Variants in CELF2 observed in about 807,000 individuals in gnomAD.
The protein encoded by CELF2 is CUG triplet repeat RNA-binding protein 2.
Under a neutral mutation model 62.6 loss-of-function variants are expected in CELF2, and 8 were observed. That is an observed-to-expected ratio of 0.13 (90% CI 0.07 to 0.23). The LOEUF (loss-of-function observed/expected upper bound fraction) is 0.23. Ranked by LOEUF, CELF2 falls within the 10% of genes least tolerant of loss-of-function variation. The pLI is 1.00. For missense variants in CELF2, 333 were observed against 671.0 expected, an observed-to-expected ratio of 0.50 and a Z score of 5.56; for synonymous variants, 258 against 250.0, an observed-to-expected ratio of 1.03 and a Z score of -0.30.
At position 10,944,786 on chromosome 10, in the gene CELF2, A is replaced by G. The variant is rs941496318; in HGVS notation, c.89+24787A>G. ...CCAGCTATTTTTTTGTATTTTTATTAGAAATGGGGTTTCGCCACATTGGCC... is the reference window on the plus strand; with the variant it reads ...CCAGCTATTTTTTTGTATTTTTATTGGAAATGGGGTTTCGCCACATTGGCC... On this transcript the variant is annotated intron_variant, in intron 2 of 13. Transcript: ENST00000636488. 1.2e-4 allele frequency among the ~76,000 whole-genome samples: 19 copies of G among 152,074 alleles called. 1 individual carries two copies. The highest frequency in any genetic ancestry group is 4.3e-4 in the African/African-American group (18 of 41,388).
chr10:10,554,261 T>C, the CELF2 span, among the ~76,000 whole-genome samples: 4 of 152,162 alleles, frequency 2.6e-5, no homozygotes, highest in Non-Finnish European at 5.9e-5. Context: ...GATGTATGCA[T>C]AGGACATTTC....
At chr10:10,584,131 G>A in the CELF2 span, among the ~76,000 whole-genome samples, 1 of 152,136 alleles carries the variant, frequency 6.6e-6, no homozygotes, top group Non-Finnish European at 1.5e-5. Context: ...AGAAATAAGA[G>A]GTCAGGATGT....
chr10:11,129,896 A>G (rs1241696496), intron 1 of CELF2, among the ~76,000 whole-genome samples: 1 of 151,872 alleles, frequency 6.6e-6, no homozygotes, highest in Non-Finnish European at 1.5e-5. Context: ...GATCTTAGTT[A>G]TTTCTTGCTT....
chr10:10,637,745 A>G, the CELF2 span, among the ~76,000 whole-genome samples: 2 of 152,198 alleles, frequency 1.3e-5, no homozygotes, highest in South Asian at 4.1e-4. Flanking sequence ...AACATGTTGT[A>G]GGATCTGTGC....
the CELF2 span, among the ~76,000 whole-genome samples, chr10:10,529,773 A>C: frequency 0.66 from 99,984 of 150,568 alleles, 33,479 homozygotes; most frequent in East Asian, 0.86. Flanking sequence ...ATGAAGCCTA[A>C]CCCTGCCTCA....
chr10:10,767,210 C>T, the CELF2 span, among the ~76,000 whole-genome samples: 10 of 152,026 alleles, frequency 6.6e-5, no homozygotes, highest in Non-Finnish European at 1.2e-4. Context: ...CCAACAGTAC[C>T]GCCACCACCA....
the CELF2 span, among the ~76,000 whole-genome samples, chr10:10,548,296 TTTG>T: frequency 6.6e-6 from 1 of 152,242 alleles, no homozygotes; most frequent in African/African-American, 2.4e-5. Flanking sequence ...AAGTATGCAT[TTTG>T]TTGTTGTGTT....
rs1013010034 is a variant in CELF2 at position 10,936,569 on chromosome 10, G to A, written c.89+16570G>A. The A allele has an allele frequency of 1.3e-5, 2 of 152,352 alleles. No homozygotes were observed. The highest frequency in any genetic ancestry group is 4.8e-5 in the African/African-American group (2 of 41,576). 9.4% of individuals were successfully genotyped at this position (152,352 alleles called of 1,614,324 possible). ...GAGTCCAGTTATCATTGCAGGGCCT[G>A]TTCTTGGGGCAGAAGAGTCAGGAAC... On this transcript the variant is annotated intron_variant, in intron 2 of 13. Coordinates refer to the CELF2 transcript ENST00000636488. The surrounding 1 kb of genome is among the most constrained non-coding windows in gnomAD (Gnocchi z 4.0).
intron 1 of CELF2, among the ~76,000 whole-genome samples, chr10:10,811,068 C>T (rs1410846635): frequency 2.6e-5 from 4 of 152,152 alleles, no homozygotes; most frequent in Admixed American, 1.3e-4. Context: ...GACATGTGTT[C>T]GGAGCCTTGG....
the CELF2 span, among the ~76,000 whole-genome samples, chr10:10,659,512 G>T: frequency 0.16 from 24,719 of 151,988 alleles, 2,144 homozygotes; most frequent in South Asian, 0.24. Flanking sequence ...GCTTCAAATC[G>T]CTCCTCTTAT....
At chr10:10,907,186 A>G (rs1220200802) in intron 1 of CELF2, among the ~76,000 whole-genome samples, 1 of 152,200 alleles carries the variant, frequency 6.6e-6, no homozygotes, top group African/African-American at 2.4e-5. Context: ...AACAGGCCCT[A>G]GAGATTTAAA....
chr10:10,546,075 T>A, the CELF2 span, among the ~76,000 whole-genome samples: 1 of 152,060 alleles, frequency 6.6e-6, no homozygotes, highest in African/African-American at 2.4e-5. Flanking sequence ...GGAAAAGAAA[T>A]CTGACAAGCA....
chr10:11,154,063 TGTA>T (rs562720751), intron 1 of CELF2, among the ~76,000 whole-genome samples: 51 of 152,324 alleles, frequency 3.3e-4, no homozygotes, highest in African/African-American at 1.1e-3. Context: ...TTGTGCCAGA[TGTA>T]GTGTCAAAAA....
At chr10:10,502,512 G>A in the CELF2 span, among the ~76,000 whole-genome samples, 2 of 151,820 alleles carry the variant, frequency 1.3e-5, no homozygotes, top group African/African-American at 4.8e-5. Flanking sequence ...TGTTTTTTGA[G>A]GAAGTGATTC....
Position 11,018,076 on chromosome 10 carries a change from G to C in CELF2, c.-14G>C. 2.1e-6 allele frequency: 3 copies of C among 1,449,322 alleles called. No homozygotes were observed. The highest frequency in any genetic ancestry group is 3.3e-5 in the East Asian group (1 of 30,596). The allele number at this position is 1,449,322 out of a possible 1,614,324, so 89.8% of individuals were successfully genotyped here. A position where few individuals can be genotyped will look rare whatever the true frequency, so the allele number is the denominator to read the frequency against. On this transcript the variant is annotated 5_prime_UTR_variant, in exon 1 of 13. Coordinates refer to ENST00000633077, the MANE Select transcript of CELF2 (RefSeq NM_001326342.2). ...AGCCGCCCCCCGCCGCTGCCGCCGCGTGCGCCCGCGAACATGACTTCTGCC... is the reference window on the plus strand; with the variant it reads ...AGCCGCCCCCCGCCGCTGCCGCCGCCTGCGCCCGCGAACATGACTTCTGCC...
intron 9 of CELF2, among the ~76,000 whole-genome samples, chr10:11,308,708 C>G (rs1050839413): frequency 3.3e-5 from 5 of 152,152 alleles, no homozygotes; most frequent in African/African-American, 9.7e-5. Context: ...TTTCACTGGA[C>G]TTACCCTCAT....
chr10:10,850,338 C>G (rs2059308552), intron 1 of CELF2, among the ~76,000 whole-genome samples: 1 of 152,158 alleles, frequency 6.6e-6, no homozygotes, highest in South Asian at 2.1e-4. Context: ...TGCATGGTAC[C>G]TATGTAACTT....
At chr10:10,808,076 G>A (rs2055423382) in intron 1 of CELF2, among the ~76,000 whole-genome samples, 1 of 152,142 alleles carries the variant, frequency 6.6e-6, no homozygotes, top group Non-Finnish European at 1.5e-5. Flanking sequence ...AGATGGCCAT[G>A]GTTAAAGATC....
At chr10:10,727,449 C>T in the CELF2 span, among the ~76,000 whole-genome samples, 5 of 152,088 alleles carry the variant, frequency 3.3e-5, no homozygotes, top group African/African-American at 1.2e-4. Context: ...CATCATCATC[C>T]ACAACACAGA....
Sources: gnomAD v4.1 joint callset for allele counts (sites outside exome capture counted in the v4.1 genomes callset) on GRCh38, gnomAD v4.1.1 for gene constraint, Gnocchi (gnomAD v3.1) non-coding constraint, MANE v1.5 for transcripts, NCBI Gene and HGNC (gene_info 2026-07-23, HGNC 2026-07-21) for gene names.